Variants in RAVER2 observed in about 807,000 individuals in gnomAD.
RAVER2 encodes ribonucleoprotein PTB-binding 2.
In RAVER2, 46 loss-of-function variants were observed where a neutral mutation model predicts 78.1. The ratio of observed to expected loss-of-function variants is 0.59; its 90% confidence interval spans 0.46 to 0.75. RAVER2 has a LOEUF of 0.75. Among genes scored for constraint, RAVER2 ranks in the 30% least tolerant of loss-of-function variants. The pLI, the probability that RAVER2 is intolerant of heterozygous loss-of-function variation, is 0.00. For missense variants in RAVER2, 793 were observed against 837.5 expected (o/e 0.95, Z 0.66); for synonymous variants, 311 against 313.3 (o/e 0.99, Z 0.08).
chr1:64,759,069 T>C (rs948459879), intron 1 of RAVER2, among the ~76,000 whole-genome samples: 1 of 151,822 alleles, frequency 6.6e-6, no homozygotes, highest in African/African-American at 2.4e-5. Flanking sequence ...CCTTTTATAG[T>C]TAGATATGTA....
At position 64,814,725 on chromosome 1, in the gene RAVER2, T is replaced by A. The variant is rs544076487; in HGVS notation, c.1814T>A (p.Leu605His). ...TTAGCCCCTGCAAGTAAAACCACTC[T>A]TCATAAGACTGGAATTGCAAGCAGC... The change falls in exon 11 of 12, where the codon CTT becomes CAT. Residue 605 changes from leucine to histidine, a missense_variant. Coordinates refer to ENST00000294428, the Ensembl canonical transcript of RAVER2. 4 of 1,537,442 alleles carry A rather than the reference T, an allele frequency of 2.6e-6. No homozygotes were observed. The Admixed American group carries it at 7.6e-5, about 29-fold the overall frequency.
At chr1:64,778,020 C>A in exon 3 of RAVER2, 2 of 1,614,036 alleles carry the variant, frequency 1.2e-6, no homozygotes, top group Non-Finnish European at 1.7e-6. Flanking sequence ...TTGATAAACT[C>A]CCCAGTGACT....
At chr1:64,806,895 A>T (rs1462593058) in intron 8 of RAVER2, among the ~76,000 whole-genome samples, 1 of 152,230 alleles carries the variant, frequency 6.6e-6, no homozygotes, top group African/African-American at 2.4e-5. Context: ...CAAAAAGTAC[A>T]TAAACTTTGC....
chr1:64,797,313 T>C lies in RAVER2; in HGVS notation c.1106-5663T>C, dbSNP rs898867588. Among the ~76,000 whole-genome samples the C allele has an allele frequency of 3.9e-5, 6 of 152,310 alleles. No individual in the cohort carries two copies. The South Asian group carries it at 1.0e-3, about 26-fold the overall frequency. On this transcript the variant is annotated intron_variant, in intron 5 of 11. Coordinates refer to ENST00000294428, the Ensembl canonical transcript of RAVER2. ...TTATACTGAGGAGAAGGATGGGGCA[T>C]AGTGGGAGTCCTAGCCATAGCTAAG...
At chr1:64,799,441 G>T (rs1653197499) in intron 5 of RAVER2, among the ~76,000 whole-genome samples, 1 of 151,972 alleles carries the variant, frequency 6.6e-6, no homozygotes, top group Admixed American at 6.6e-5. Flanking sequence ...TGTTGTTTTT[G>T]TTGTTATTTG....
Position 64,819,749 on chromosome 1 carries a change from A to G in RAVER2, c.1929+4909A>G, listed in dbSNP as rs763631848. On this transcript the variant is annotated intron_variant, in intron 11 of 11. Coordinates refer to ENST00000294428, the Ensembl canonical transcript of RAVER2. ...TAATCTTGAGAGCAACCAGATAAAAACAATGCACGTTGTCTTGAGACAGGT... is the reference window on the plus strand; with the variant it reads ...TAATCTTGAGAGCAACCAGATAAAAGCAATGCACGTTGTCTTGAGACAGGT... Among the ~76,000 whole-genome samples the G allele has an allele frequency of 9.6e-4, 147 of 152,342 alleles. 1 individual carries two copies. The highest frequency in any genetic ancestry group is 3.4e-3 in the Middle Eastern group (1 of 294).
At chr1:64,830,038 A>T (rs1654087182) in intron 11 of RAVER2, among the ~76,000 whole-genome samples, 1 of 152,190 alleles carries the variant, frequency 6.6e-6, no homozygotes, top group Non-Finnish European at 1.5e-5. Flanking sequence ...GCAACGTGAG[A>T]AGGCTCCTGT....
exon 12 of RAVER2, chr1:64,831,678 C>T (rs1654137091): frequency 6.6e-6 from 1 of 152,176 alleles, no homozygotes; most frequent in African/African-American, 2.4e-5. Flanking sequence ...GTTTGGCAAA[C>T]TACACCCTGG....
At chr1:64,819,797 C>T (rs145956702) in intron 11 of RAVER2, among the ~76,000 whole-genome samples, 29 of 152,230 alleles carry the variant, frequency 1.9e-4, no homozygotes, top group African/African-American at 6.7e-4. Context: ...GTACTATTAA[C>T]GTTTGGGGCT....
chr1:64,756,991 A>C (rs1369750827), intron 1 of RAVER2, among the ~76,000 whole-genome samples: 1 of 152,206 alleles, frequency 6.6e-6, no homozygotes, highest in Non-Finnish European at 1.5e-5. Flanking sequence ...CATTAACATG[A>C]CTTACCACTG....
At chr1:64,801,638 G>A in intron 5 of RAVER2, among the ~76,000 whole-genome samples, 1 of 151,544 alleles carries the variant, frequency 6.6e-6, no homozygotes, top group East Asian at 2.0e-4. Flanking sequence ...GGGAGGCCAA[G>A]GCAGGTGGAT....
rs2100792739 is a variant in RAVER2, at chr1:64,745,298, G to A, written c.126G>A (p.Pro42=). Residue 42 remains proline, a synonymous_variant, in exon 1 of 12, where the codon CCG becomes CCA. Coordinates refer to ENST00000294428, the Ensembl canonical transcript of RAVER2. This position sits in a 1 kb window ranked among gnomAD's most constrained non-coding sequence, Gnocchi z 4.3. ...CAGCCGAAGCGCACGAGGGCGCCCC[G>A]GACCCGATGCCCGCCGCGCTGCACC... 9 of 1,498,894 alleles carry A rather than the reference G, an allele frequency of 6.0e-6. No individual in the cohort carries two copies. The highest frequency in any genetic ancestry group is 8.0e-6 in the Non-Finnish European group (9 of 1,121,268). The allele number at this position is 1,498,894 out of a possible 1,614,324, so 92.8% of individuals were successfully genotyped here.
At chr1:64,758,869 A>C (rs1021263938) in intron 1 of RAVER2, among the ~76,000 whole-genome samples, 9 of 150,424 alleles carry the variant, frequency 6.0e-5, no homozygotes, top group African/African-American at 1.5e-4. Context: ...CTAATACAGT[A>C]TATCCAGGTG....
intron 11 of RAVER2, among the ~76,000 whole-genome samples, chr1:64,825,191 T>A (rs1227522024): frequency 1.3e-5 from 2 of 152,182 alleles, no homozygotes; most frequent in African/African-American, 4.8e-5. Flanking sequence ...GTTATATTTT[T>A]AAATAAAAAT....
intron 4 of RAVER2, among the ~76,000 whole-genome samples, chr1:64,788,859 A>AT (rs1392261285): frequency 6.6e-6 from 1 of 151,586 alleles, no homozygotes; most frequent in East Asian, 1.9e-4. Flanking sequence ...GTTTTATTTT[A>AT]TTTTTATTTG....
At chr1:64,807,102 A>C in intron 8 of RAVER2, 104 bp from the exon 9 acceptor site, 1 of 1,338,472 alleles carries the variant, frequency 7.5e-7, no homozygotes. Context: ...ACAGGTACAA[A>C]ATTGGTTTCT....
chr1:64,767,065 A>C (rs1652193508), intron 1 of RAVER2, among the ~76,000 whole-genome samples: 1 of 152,150 alleles, frequency 6.6e-6, no homozygotes, highest in South Asian at 2.1e-4. Flanking sequence ...GGTTGGTAAT[A>C]AAGAATACTA....
rs1343477848 is a variant in RAVER2, at chr1:64,807,484, CTG to C, written c.1680+13_1680+14del. 19 of 1,611,800 alleles carry C rather than the reference CTG, an allele frequency of 1.2e-5. No homozygotes were observed. Among genetic ancestry groups the C allele is most frequent in the Non-Finnish European group, 1.5e-5 (18 of 1,178,446 alleles). ...AGAGATAAGTTCAGGGGTAAGAAAA[CTG>C]TGGGTGCACACAGATGTATATATAC... On this transcript the variant is annotated intron_variant, in intron 9 of 11. Transcript: ENST00000294428.
intron 4 of RAVER2, among the ~76,000 whole-genome samples, chr1:64,783,960 C>G (rs374440849): frequency 6.6e-6 from 1 of 152,336 alleles, no homozygotes; most frequent in East Asian, 1.9e-4. Context: ...CCTCTCAAGT[C>G]TAATGCAATG....
Sources: gnomAD v4.1 joint callset for allele counts (sites outside exome capture counted in the v4.1 genomes callset) on GRCh38, gnomAD v4.1.1 for gene constraint, Gnocchi (gnomAD v3.1) non-coding constraint, MANE v1.5 for transcripts, NCBI Gene and HGNC (gene_info 2026-07-23, HGNC 2026-07-21) for gene names.